Variants in ACOXL observed in about 807,000 individuals in gnomAD.
ACOXL encodes the protein acyl-coenzyme A oxidase-like protein.
A neutral mutation model predicts 71.9 loss-of-function variants in ACOXL; 70 were observed. The observed-to-expected ratio is 0.97, with a 90% CI of 0.80 to 1.19. The LOEUF (loss-of-function observed/expected upper bound fraction) is 1.19. Ranked by LOEUF, ACOXL falls within the 50% of genes most tolerant of loss-of-function variation. ACOXL has a pLI of 0.00. For synonymous variants in ACOXL, 253 were observed against 281.6 expected, an observed-to-expected ratio of 0.90 and a Z score of 1.02; for missense variants, 703 against 736.3, an observed-to-expected ratio of 0.95 and a Z score of 0.52.
At chr2:110,933,314 A>G (rs145177708) in intron 11 of ACOXL, among the ~76,000 whole-genome samples, 175 bp from the exon 12 acceptor site, 46 of 152,324 alleles carry the variant, frequency 3.0e-4, no homozygotes, top group African/African-American at 1.0e-3. Flanking sequence ...TTCCACTGGT[A>G]GCGTTTTAAC....
intron 15 of ACOXL, among the ~76,000 whole-genome samples, chr2:111,042,497 C>T (rs1258366817): frequency 6.6e-6 from 1 of 152,194 alleles, no homozygotes; most frequent in East Asian, 1.9e-4. Context: ...GGGGACGTGG[C>T]TCTGCAGGAT....
At chr2:110,989,843 C>G (rs1051066547) in intron 13 of ACOXL, among the ~76,000 whole-genome samples, 3 of 152,070 alleles carry the variant, frequency 2.0e-5, no homozygotes, top group Non-Finnish European at 2.9e-5. Flanking sequence ...GAGTTTGAGA[C>G]CAGCCTGGGC....
At chr2:111,041,344 A>G (rs1248031261) in intron 15 of ACOXL, among the ~76,000 whole-genome samples, 1 of 152,122 alleles carries the variant, frequency 6.6e-6, no homozygotes, top group Admixed American at 6.6e-5. Flanking sequence ...TGTCCTATCC[A>G]TTATCTTCCC....
At chr2:110,758,709 T>G (rs1680004069) in intron 1 of ACOXL, among the ~76,000 whole-genome samples, 1 of 152,202 alleles carries the variant, frequency 6.6e-6, no homozygotes, top group Non-Finnish European at 1.5e-5. Context: ...ATTTCTTGTC[T>G]TCTGCTAGCT....
chr2:110,806,255 G>A (rs1011974066), intron 9 of ACOXL, among the ~76,000 whole-genome samples: 2 of 152,222 alleles, frequency 1.3e-5, no homozygotes, highest in African/African-American at 2.4e-5. Context: ...CCTGTGAGGG[G>A]GCACAGCTGT....
intron 13 of ACOXL, among the ~76,000 whole-genome samples, chr2:110,991,241 A>T (rs2063158783): frequency 1.3e-5 from 2 of 152,100 alleles, no homozygotes. Flanking sequence ...CTTCTGCTAG[A>T]TCTGTAGTTG....
At chr2:110,787,212 G>T (rs1684070952) in intron 3 of ACOXL, among the ~76,000 whole-genome samples, 1 of 151,992 alleles carries the variant, frequency 6.6e-6, no homozygotes, top group Non-Finnish European at 1.5e-5. Flanking sequence ...AAGGAAATTG[G>T]CATAGACTTA....
At chr2:110,756,019 A>T (rs893345406) in intron 1 of ACOXL, among the ~76,000 whole-genome samples, 2 of 142,556 alleles carry the variant, frequency 1.4e-5, no homozygotes, top group Admixed American at 1.3e-4. Flanking sequence ...ATGAGAATAG[A>T]CCTATAATTA....
intron 14 of ACOXL, among the ~76,000 whole-genome samples, chr2:111,021,529 T>C (rs1350510756): frequency 6.6e-6 from 1 of 152,180 alleles, no homozygotes. Flanking sequence ...CGCTGGCTAC[T>C]GGGCCCAGCC....
intron 10 of ACOXL, among the ~76,000 whole-genome samples, chr2:110,890,988 G>T (rs193258280): frequency 1.1e-3 from 169 of 152,006 alleles, no homozygotes; most frequent in Middle Eastern, 0.01. Context: ...CAGTACACAA[G>T]TGTTATATTT....
rs148109478 is a variant in ACOXL at position 111,066,378 on chromosome 2, G to A, written c.1440+17090G>A. Among the ~76,000 whole-genome samples the A allele has an allele frequency of 8.8e-3, 1,342 of 152,258 alleles. 6 individuals carry two copies. Among genetic ancestry groups the A allele is most frequent in the Non-Finnish European group, 0.014 (957 of 68,010 alleles). On this transcript the variant is annotated intron_variant, in intron 16 of 17. Transcript: ENST00000439055. ...AGTGGCTGCCAGTGGTAAGGATGAG[G>A]AGATGTTTGCAGAAAGAGGAAGGAA...
chr2:111,031,002 G>GA (rs1217752626), intron 14 of ACOXL, among the ~76,000 whole-genome samples: 3 of 152,086 alleles, frequency 2.0e-5, no homozygotes, highest in African/African-American at 7.2e-5. Context: ...ACAAAGCAAA[G>GA]AAAAAAGACT....
intron 3 of ACOXL, among the ~76,000 whole-genome samples, chr2:110,788,432 A>G (rs1171808774): frequency 6.6e-6 from 1 of 152,244 alleles, no homozygotes; most frequent in Non-Finnish European, 1.5e-5. Flanking sequence ...TCTAGAATAG[A>G]CAAATTCATA....
At chr2:111,036,713 T>C (rs1245571839) in intron 15 of ACOXL, 4 of 152,278 alleles carry the variant, frequency 2.6e-5, no homozygotes, top group African/African-American at 9.7e-5. Flanking sequence ...GGGTCTCTGA[T>C]GCTTGAGGTC....
chr2:110,864,533 A>G (rs554267620), intron 10 of ACOXL, among the ~76,000 whole-genome samples: 3 of 152,344 alleles, frequency 2.0e-5, no homozygotes, highest in Admixed American at 2.0e-4. Context: ...GATATTCAGA[A>G]GTGCCTCTTG....
At chr2:110,975,155 T>C (rs1400567630) in intron 12 of ACOXL, among the ~76,000 whole-genome samples, 1 of 152,228 alleles carries the variant, frequency 6.6e-6, no homozygotes, top group African/African-American at 2.4e-5. Flanking sequence ...ATAAGAAAGC[T>C]GATTCCTTAG....
At chr2:110,993,520 TTC>T (rs2063266682) in intron 13 of ACOXL, among the ~76,000 whole-genome samples, 1 of 152,248 alleles carries the variant, frequency 6.6e-6, no homozygotes, top group Admixed American at 6.5e-5. Context: ...AGTAGAATCA[TTC>T]TCTTATGGAT....
At chr2:110,870,973 C>T (rs1320705451) in intron 10 of ACOXL, among the ~76,000 whole-genome samples, 1 of 152,116 alleles carries the variant, frequency 6.6e-6, no homozygotes. Flanking sequence ...TGGCTTAAAT[C>T]GTCCCAGTGT....
intron 17 of ACOXL, among the ~76,000 whole-genome samples, chr2:111,110,709 C>G (rs969648538): frequency 1.3e-5 from 2 of 152,232 alleles, no homozygotes; most frequent in Non-Finnish European, 2.9e-5. Flanking sequence ...GAGCTCATCT[C>G]TCTGAAATCA....
Sources: allele counts gnomAD v4.1 joint callset (sites outside exome capture counted in the v4.1 genomes callset), GRCh38; gene constraint gnomAD v4.1.1; transcripts MANE v1.5; gene names NCBI Gene and HGNC (gene_info 2026-07-23, HGNC 2026-07-21).